Variants in ZFHX3 observed in about 807,000 individuals in gnomAD.
ZFHX3 encodes the protein zinc finger homeobox protein 3.
In ZFHX3, 42 loss-of-function variants were observed where a neutral mutation model predicts 279.1. That is an observed-to-expected ratio of 0.15 (90% CI 0.12 to 0.19). The LOEUF (loss-of-function observed/expected upper bound fraction) is 0.19, where lower values mean the gene tolerates loss of function less well. ZFHX3 is among the 10% of genes least tolerant of loss of function. The pLI is 1.00. For synonymous variants in ZFHX3, 2,293 were observed against 1,957.8 expected, an observed-to-expected ratio of 1.17 and a Z score of -4.52; for missense variants, 4,981 against 4,754.0, an observed-to-expected ratio of 1.05 and a Z score of -1.40.
chr16:73,592,593 C>A (rs2052010727), intron 2 of ZFHX3, among the ~76,000 whole-genome samples: 4 of 151,848 alleles, frequency 2.6e-5, no homozygotes. Flanking sequence ...TGAAAATAAT[C>A]CTGAGGCAGG....
At chr16:73,007,571 C>A (rs971739467) in intron 1 of ZFHX3, among the ~76,000 whole-genome samples, 15 of 152,058 alleles carry the variant, frequency 9.9e-5, no homozygotes, top group Non-Finnish European at 1.5e-5. Flanking sequence ...CTCAGCTTCC[C>A]GAGTAACTGG....
At chr16:73,280,744 G>A (rs2014435199) in intron 4 of ZFHX3, among the ~76,000 whole-genome samples, 1 of 152,016 alleles carries the variant, frequency 6.6e-6, no homozygotes, top group Non-Finnish European at 1.5e-5. Context: ...AACTTTGGGA[G>A]GCCGAGGCAG....
chr16:73,882,601 C>G (rs2030207105), intron 1 of ZFHX3, among the ~76,000 whole-genome samples: 1 of 151,872 alleles, frequency 6.6e-6, no homozygotes, highest in African/African-American at 2.4e-5. Flanking sequence ...ACATTTTATT[C>G]CAGGTACAGA....
chr16:72,901,958 T>C (rs573090018), intron 3 of ZFHX3, among the ~76,000 whole-genome samples: 1 of 152,264 alleles, frequency 6.6e-6, no homozygotes, highest in African/African-American at 2.4e-5. Context: ...TTGTTCCGCC[T>C]CAAGATGGAG....
At position 73,154,899 on chromosome 16, in the gene ZFHX3, G is replaced by A. The variant is rs184976193; in HGVS notation, c.-1103-11068C>T. On this transcript the variant is annotated intron_variant, in intron 5 of 17. Coordinates refer to the ZFHX3 transcript ENST00000641206. ...AAAGAAAGATATTTTTGGGATTACA[G>A]GTGGTGGCTCACGTCTGTAATCCTA... Among the ~76,000 whole-genome samples the A allele has an allele frequency of 2.0e-3, 301 of 152,178 alleles. 2 individuals carry two copies. Among genetic ancestry groups the A allele is most frequent in the African/African-American group, 6.9e-3 (285 of 41,528 alleles).
At chr16:73,781,497 T>C (rs1489112560) in intron 1 of ZFHX3, among the ~76,000 whole-genome samples, 1 of 152,194 alleles carries the variant, frequency 6.6e-6, no homozygotes, top group Non-Finnish European at 1.5e-5. Context: ...CACTCATCAT[T>C]TGCATAACAT....
In ZFHX3 at chr16:73,716,764, T is replaced by C. The variant is rs190843144; in HGVS notation, c.-1607-36524A>G. On this transcript the variant is annotated intron_variant, in intron 1 of 17. Transcript: ENST00000641206. ...CCCCTGTCTTCTGCATTTGTTCGGC[T>C]CCTTTGGGAGGAGCAATTTACAGAA... Among the ~76,000 whole-genome samples the C allele has an allele frequency of 1.8e-4, 28 of 152,106 alleles. 1 individual carries two copies. The highest frequency in any genetic ancestry group is 9.2e-4 in the Admixed American group (14 of 15,268).
intron 5 of ZFHX3, among the ~76,000 whole-genome samples, chr16:73,246,305 C>A (rs993225866): frequency 6.6e-6 from 1 of 152,112 alleles, no homozygotes; most frequent in African/African-American, 2.4e-5. Context: ...TCCCTCCTGG[C>A]CAGGAGCTTG....
At chr16:73,427,704 C>T (rs1011924647) in intron 3 of ZFHX3, among the ~76,000 whole-genome samples, 4 of 151,910 alleles carry the variant, frequency 2.6e-5, no homozygotes, top group East Asian at 1.9e-4. Flanking sequence ...GGGAGGCCGC[C>T]GTGGGCAGAC....
intron 2 of ZFHX3, among the ~76,000 whole-genome samples, chr16:73,510,213 G>T (rs1248097887): frequency 6.6e-6 from 1 of 151,944 alleles, no homozygotes; most frequent in Admixed American, 6.6e-5. Context: ...TTCTAATTCT[G>T]CCCATAGCAT....
chr16:72,862,856 G>A (rs1183655069), intron 4 of ZFHX3, among the ~76,000 whole-genome samples: 1 of 152,134 alleles, frequency 6.6e-6, no homozygotes, highest in Non-Finnish European at 1.5e-5. Flanking sequence ...AGTTAGAAGA[G>A]GAACATACAG....
chr16:73,006,920 T>C (rs1272615075), intron 1 of ZFHX3, among the ~76,000 whole-genome samples: 1 of 152,224 alleles, frequency 6.6e-6, no homozygotes, highest in Non-Finnish European at 1.5e-5. Context: ...CTGTATCATT[T>C]AAGGAATAAT....
intron 1 of ZFHX3, among the ~76,000 whole-genome samples, chr16:73,800,292 A>T (rs551666895): frequency 1.3e-5 from 2 of 151,924 alleles, no homozygotes; most frequent in East Asian, 3.9e-4. Flanking sequence ...ATTTCAGCTC[A>T]TTGAAACTTC....
At chr16:73,416,348 C>T (rs2017580536) in intron 3 of ZFHX3, among the ~76,000 whole-genome samples, 1 of 152,148 alleles carries the variant, frequency 6.6e-6, no homozygotes, top group Middle Eastern at 3.4e-3. Context: ...AGGAGAAATT[C>T]TACAAGGTGA....
intron 4 of ZFHX3, among the ~76,000 whole-genome samples, chr16:73,271,904 A>G (rs2014156224): frequency 6.6e-6 from 1 of 152,132 alleles, no homozygotes; most frequent in Admixed American, 6.6e-5. Flanking sequence ...TAGAGGGGAG[A>G]GACAAGGTTT....
chr16:73,629,217 TC>T (rs1488189960), intron 2 of ZFHX3, among the ~76,000 whole-genome samples: 2 of 152,194 alleles, frequency 1.3e-5, no homozygotes, highest in African/African-American at 2.4e-5. Context: ...GTAATCCATC[TC>T]CTGCTGCACA....
chr16:73,045,094 T>C (rs1180048040), intron 1 of ZFHX3, among the ~76,000 whole-genome samples: 1 of 152,220 alleles, frequency 6.6e-6, no homozygotes, highest in Non-Finnish European at 1.5e-5. Flanking sequence ...CTCTGAGCCC[T>C]GAAGCATTTC....
intron 1 of ZFHX3, among the ~76,000 whole-genome samples, chr16:73,729,243 C>T (rs985518768): frequency 2.6e-5 from 4 of 152,118 alleles, no homozygotes; most frequent in South Asian, 2.1e-4. Flanking sequence ...ACACCTGGGC[C>T]GGCAATGGCG....
At chr16:73,454,373 C>A (rs568683675) in intron 3 of ZFHX3, among the ~76,000 whole-genome samples, 1 of 152,238 alleles carries the variant, frequency 6.6e-6, no homozygotes, top group African/African-American at 2.4e-5. Flanking sequence ...GTAGACTCGA[C>A]AGACTTAGTG....
Sources: allele counts gnomAD v4.1 joint callset (sites outside exome capture counted in the v4.1 genomes callset), GRCh38; gene constraint gnomAD v4.1.1; transcripts MANE v1.5; gene names NCBI Gene and HGNC (gene_info 2026-07-23, HGNC 2026-07-21).